Variants in ADGRL2 observed in about 807,000 individuals in gnomAD.
ADGRL2 encodes adhesion G protein-coupled receptor L2.
Under a neutral mutation model 157.4 loss-of-function variants are expected in ADGRL2, and 44 were observed. That is an observed-to-expected ratio of 0.28 (90% CI 0.22 to 0.36). ADGRL2 has a LOEUF of 0.36. Among genes scored for constraint, ADGRL2 ranks in the 10% least tolerant of loss-of-function variants. ADGRL2 has a pLI of 1.00. For missense variants in ADGRL2, 1,510 were observed against 1,768.9 expected, an observed-to-expected ratio of 0.85 and a Z score of 2.63; for synonymous variants, 585 against 624.7, an observed-to-expected ratio of 0.94 and a Z score of 0.95.
intron 1 of ADGRL2, among the ~76,000 whole-genome samples, chr1:81,444,224 G>A (rs922836625): frequency 1.3e-5 from 2 of 152,190 alleles, no homozygotes; most frequent in African/African-American, 4.8e-5. Flanking sequence ...TGCAAGACAG[G>A]TAAACCTTTC....
intron 1 of ADGRL2, among the ~76,000 whole-genome samples, chr1:81,757,899 C>T (rs1188627412): frequency 1.3e-5 from 2 of 152,094 alleles, no homozygotes; most frequent in Admixed American, 1.3e-4. Flanking sequence ...CCCCTTGGTT[C>T]CTTCAGTGTG....
At chr1:81,971,612 C>G (rs1262592169) in intron 16 of ADGRL2, among the ~76,000 whole-genome samples, 1 of 152,144 alleles carries the variant, frequency 6.6e-6, no homozygotes, top group Non-Finnish European at 1.5e-5. Context: ...CTTCCCCATA[C>G]AAGCACGATT....
intron 1 of ADGRL2, among the ~76,000 whole-genome samples, chr1:81,417,541 C>T (rs1338450913): frequency 6.6e-6 from 1 of 152,074 alleles, no homozygotes; most frequent in African/African-American, 2.4e-5. Context: ...GATTATTTCT[C>T]TGTACAAGTC....
intron 1 of ADGRL2, among the ~76,000 whole-genome samples, chr1:81,830,753 C>G (rs1052475095): frequency 6.6e-6 from 1 of 152,104 alleles, no homozygotes; most frequent in African/African-American, 2.4e-5. Context: ...GTGATCCACC[C>G]GCCTCTGCCT....
rs754550411 is a variant in ADGRL2 at position 81,990,756 on chromosome 1, C to A, written c.4021C>A (p.Arg1341=). 2 of 1,614,078 alleles carry A rather than the reference C, an allele frequency of 1.2e-6. No individual in the cohort carries two copies. The highest frequency in any genetic ancestry group is 1.3e-5 in the African/African-American group (1 of 75,008). Residue 1341 remains arginine, a synonymous_variant, in exon 24 of 24, where the codon CGG becomes AGG. Coordinates refer to ENST00000686636, the MANE Select transcript of ADGRL2 (RefSeq NM_001366006.2). The part of the protein sequence containing the change: ...KELEAPLIPQ[R]THSLLYQPQK... ...ACTCGAGGCACCACTTATTCCTCAG[C>A]GGACTCACTCCCTTCTGTACCAACC... is the stretch of plus-strand genomic sequence containing the variant.
intron 1 of ADGRL2, among the ~76,000 whole-genome samples, chr1:81,417,785 T>C (rs1293617666): frequency 6.6e-6 from 1 of 152,228 alleles, no homozygotes; most frequent in Non-Finnish European, 1.5e-5. Context: ...TCTTTTCTAA[T>C]TTGAATATTA....
chr1:81,874,630 TTGTCTTGTCC>T (rs1415420301), intron 2 of ADGRL2, among the ~76,000 whole-genome samples: 2,247 of 33,734 alleles, frequency 0.067, 45 homozygotes, highest in African/African-American at 0.19. Flanking sequence ...TTGTCTTGTC[TTGTCTTGTCC>T]TGTCCTGTCC....
At position 81,312,312 on chromosome 1, in the gene ADGRL2, C is replaced by G. The variant is rs546515802; in HGVS notation, c.-302+5803C>G. 3.9e-5 allele frequency among the ~76,000 whole-genome samples: 6 copies of G among 152,286 alleles called. No homozygotes were observed. In the South Asian group the frequency reaches 1.2e-3, roughly 32 times the overall value. On this transcript the variant is annotated intron_variant, in intron 1 of 24. Transcript: ENST00000370721. ...TCACCCAACCAATGTGGAGGTAGAGCCTGTCAGAGAAGTGGGTTTCAGGGC... is the reference window on the plus strand; with the variant it reads ...TCACCCAACCAATGTGGAGGTAGAGGCTGTCAGAGAAGTGGGTTTCAGGGC...
intron 1 of ADGRL2, among the ~76,000 whole-genome samples, chr1:81,745,267 T>C (rs1391475): frequency 0.11 from 16,894 of 152,192 alleles, 978 homozygotes; most frequent in South Asian, 0.14. Context: ...CTGCAAATAT[T>C]CTCTCTCTTG....
intron 2 of ADGRL2, among the ~76,000 whole-genome samples, chr1:81,849,153 C>G (rs1195774023): frequency 6.6e-6 from 1 of 151,866 alleles, no homozygotes; most frequent in Non-Finnish European, 1.5e-5. Context: ...AGCTGTCACT[C>G]CATTCTTTCA....
chr1:81,409,620 G>C (rs1320453717), intron 1 of ADGRL2, among the ~76,000 whole-genome samples: 1 of 152,112 alleles, frequency 6.6e-6, no homozygotes, highest in Non-Finnish European at 1.5e-5. Flanking sequence ...TACTGTTACT[G>C]ATCATTTTCT....
intron 2 of ADGRL2, among the ~76,000 whole-genome samples, chr1:81,515,539 G>T (rs754392684): frequency 1.1e-4 from 17 of 151,432 alleles, no homozygotes; most frequent in Non-Finnish European, 2.4e-4. Context: ...TATAGTAGTT[G>T]GTCATTCACT....
intron 2 of ADGRL2, among the ~76,000 whole-genome samples, chr1:81,782,156 C>T (rs2086840087): frequency 6.6e-6 from 1 of 152,116 alleles, no homozygotes; most frequent in Non-Finnish European, 1.5e-5. Flanking sequence ...ACCAGCAAGC[C>T]CTGCCAGTGC....
At chr1:81,951,304 T>A (rs751559580) in intron 8 of ADGRL2, among the ~76,000 whole-genome samples, 183 bp downstream of exon 8, 23 of 152,190 alleles carry the variant, frequency 1.5e-4, no homozygotes, top group Non-Finnish European at 2.6e-4. Flanking sequence ...TTTGGGGGTA[T>A]CCTGTTCTCT....
chr1:81,524,709 T>C (rs1401846144), intron 2 of ADGRL2, among the ~76,000 whole-genome samples: 1 of 152,182 alleles, frequency 6.6e-6, no homozygotes, highest in Admixed American at 6.5e-5. Flanking sequence ...CAAAACAGTA[T>C]GTATAGCATG....
intron 1 of ADGRL2, among the ~76,000 whole-genome samples, chr1:81,802,602 G>A (rs1571297649): frequency 6.6e-6 from 1 of 152,098 alleles, no homozygotes; most frequent in Admixed American, 6.5e-5. Context: ...GGGTCGCAAG[G>A]TTCCGCCCGT....
chr1:81,798,842 TA>T (rs1414400812), upstream of ADGRL2, among the ~76,000 whole-genome samples: 1 of 152,178 alleles, frequency 6.6e-6, no homozygotes, highest in Non-Finnish European at 1.5e-5. Context: ...GCTCACTAAA[TA>T]AAAACTTCAG....
At chr1:81,813,579 T>A (rs550336803) in intron 1 of ADGRL2, among the ~76,000 whole-genome samples, 1 of 151,818 alleles carries the variant, frequency 6.6e-6, no homozygotes, top group South Asian at 2.1e-4. Context: ...ATTTTTATAA[T>A]GGGGTAAGAA....
In ADGRL2 at chr1:81,869,671, A is replaced by G. The variant is rs1164536785; in HGVS notation, c.73+32614A>G. Among the ~76,000 whole-genome samples, 5 of 152,036 alleles carry G rather than the reference A, an allele frequency of 3.3e-5. No individual in the cohort carries two copies. The East Asian group carries it at 9.6e-4, about 29-fold the overall frequency. On this transcript the variant is annotated intron_variant, in intron 2 of 23. Coordinates refer to ENST00000686636, the MANE Select transcript of ADGRL2 (RefSeq NM_001366006.2). ...TGAAAATGAAAGGTGAATGTCAGTC[A>G]CATTGATCATCAAAACTGTTGATTA...
Sources: allele counts gnomAD v4.1 joint callset (sites outside exome capture counted in the v4.1 genomes callset), GRCh38; gene constraint gnomAD v4.1.1; transcripts MANE v1.5; gene names NCBI Gene and HGNC (gene_info 2026-07-23, HGNC 2026-07-21).